Variants in MTF2 observed in about 807,000 individuals in gnomAD.
MTF2 encodes the protein metal-response element-binding transcription factor 2.
A neutral mutation model predicts 79.5 loss-of-function variants in MTF2; 11 were observed. The ratio of observed to expected loss-of-function variants is 0.14; its 90% CI spans 0.09 to 0.23. MTF2 has a LOEUF of 0.23. MTF2 is among the 10% of genes least tolerant of loss of function. The pLI is 1.00. For synonymous variants in MTF2, 208 were observed against 232.8 expected, an observed-to-expected ratio of 0.89 and a Z score of 0.97; for missense variants, 486 against 711.2, an observed-to-expected ratio of 0.68 and a Z score of 3.60.
At chr1:93,123,262 CTT>C (rs1320415321) in intron 9 of MTF2, among the ~76,000 whole-genome samples, 3 of 69,000 alleles carry the variant, frequency 4.3e-5, no homozygotes, top group African/African-American at 1.1e-4. Flanking sequence ...CTCTCTCTCT[CTT>C]TTTTTTTTTT....
intron 9 of MTF2, among the ~76,000 whole-genome samples, chr1:93,126,497 G>T (rs996993187): frequency 6.6e-6 from 1 of 150,790 alleles, no homozygotes; most frequent in African/African-American, 2.4e-5. Context: ...TTTTTTTAAG[G>T]TGTTTGTAGC....
chr1:93,136,852 A>G lies in MTF2; in HGVS notation c.1607A>G (p.Asn536Ser). 1.2e-6 allele frequency: 2 copies of G among 1,614,222 alleles called. No homozygotes were observed. The highest frequency in any genetic ancestry group is 1.3e-5 in the African/African-American group (1 of 75,058). The change falls in exon 15 of 15, where the codon AAT becomes AGT. Residue 536 changes from asparagine to serine, a missense_variant. Transcript: ENST00000370298. Reference protein sequence around the residue: ...QFDELNTEILNNLADQELQLN... With the variant: ...QFDELNTEILSNLADQELQLN... ...GATGAACTCAACACAGAGATTCTGA[A>G]TAACTTAGCAGATCAGGAGTTACAA...
At chr1:93,125,544 A>G (rs542667253) in intron 9 of MTF2, among the ~76,000 whole-genome samples, 191 of 152,188 alleles carry the variant, frequency 1.3e-3, no homozygotes, top group Middle Eastern at 3.4e-3. Flanking sequence ...TAGAAGGATG[A>G]CAGAATCAAG....
chr1:93,133,486 A>G (rs915991638), intron 11 of MTF2, among the ~76,000 whole-genome samples: 6 of 152,150 alleles, frequency 3.9e-5, no homozygotes, highest in African/African-American at 9.6e-5. Context: ...TAAACCTTTC[A>G]TAATGTAAAT....
At chr1:93,102,771 A>G (rs1029600764) in intron 1 of MTF2, among the ~76,000 whole-genome samples, 2 of 152,090 alleles carry the variant, frequency 1.3e-5, no homozygotes, top group African/African-American at 4.8e-5. Context: ...GATAATACCT[A>G]TGATATTTAA....
At chr1:93,126,777 T>TTAGA (rs1656714226) in intron 9 of MTF2, among the ~76,000 whole-genome samples, 1 of 152,064 alleles carries the variant, frequency 6.6e-6, no homozygotes, top group Non-Finnish European at 1.5e-5. Flanking sequence ...ATGCTTAATG[T>TTAGA]TAGAGGTACT....
chr1:93,108,513 C>A (rs999920753), intron 1 of MTF2, among the ~76,000 whole-genome samples: 6 of 151,608 alleles, frequency 4.0e-5, no homozygotes, highest in Admixed American at 1.3e-4. Flanking sequence ...TCACTGCCTT[C>A]TGGCCTTTAT....
Position 93,119,179 on chromosome 1 carries a change from A to G in MTF2, c.729-154A>G, listed in dbSNP as rs149472457. On this transcript the variant is annotated intron_variant, in intron 7 of 14. Coordinates refer to ENST00000370298, the MANE Select transcript of MTF2 (RefSeq NM_007358.4). ...TGTTATTGGAAAAGAACTTCCTTCA[A>G]TCACAGAAAGCATTATAATTTAAAT... Among the ~76,000 whole-genome samples the G allele has an allele frequency of 1.8e-4, 27 of 152,338 alleles. No individual in the cohort carries two copies. The East Asian group carries it at 5.0e-3, about 28-fold the overall frequency.
At position 93,138,634 on chromosome 1, in the gene MTF2, A is replaced by G. The variant is rs1005612360; in HGVS notation, c.*1607A>G. The G allele has an allele frequency of 2.0e-5, 3 of 152,202 alleles. No homozygotes were observed. The highest frequency in any genetic ancestry group is 2.1e-4 in the South Asian group (1 of 4,834). 9.4% of individuals were successfully genotyped at this position (152,202 alleles called of 1,614,324 possible). A position where few individuals can be genotyped will look rare whatever the true frequency, so the allele number is the denominator to read the frequency against. ...TATAAATGAGCTTTACAAAAGTGCA[A>G]ATTAAAAACTGTTACTTCTGTTTAC... On this transcript the variant is annotated 3_prime_UTR_variant, in exon 15 of 15. Transcript: ENST00000370298.
chr1:93,103,490 A>G (rs918880485), intron 1 of MTF2, among the ~76,000 whole-genome samples: 1 of 151,590 alleles, frequency 6.6e-6, no homozygotes, highest in East Asian at 1.9e-4. Flanking sequence ...GAAAATTTAT[A>G]GAATAATATA....
At chr1:93,119,286 C>A in intron 7 of MTF2, 47 bp from the exon 8 acceptor site, 1 of 1,314,982 alleles carries the variant, frequency 7.6e-7, no homozygotes, top group South Asian at 1.4e-5. Context: ...GTTAGTTTAT[C>A]TCTGATGACT....
At chr1:93,092,957 C>T (rs914410971) in intron 1 of MTF2, among the ~76,000 whole-genome samples, 1 of 151,964 alleles carries the variant, frequency 6.6e-6, no homozygotes, top group East Asian at 1.9e-4. Context: ...CCAAGGCGGG[C>T]AAATCACGAG....
intron 1 of MTF2, 48 bp from the exon 2 acceptor site, chr1:93,110,168 CCACTGGTATAAAAT>C (rs1655970662): frequency 7.0e-7 from 1 of 1,423,116 alleles, no homozygotes; most frequent in Non-Finnish European, 9.7e-7. Flanking sequence ...ATAAAATATC[CCACTGGTATAAAAT>C]AAGCTCTACA....
intron 1 of MTF2, among the ~76,000 whole-genome samples, chr1:93,093,092 G>A (rs1655138977): frequency 1.3e-5 from 2 of 151,906 alleles, no homozygotes. Context: ...TGAGGCAGGA[G>A]AATCGCTTGA....
intron 1 of MTF2, among the ~76,000 whole-genome samples, chr1:93,103,798 TAGG>T (rs1339963223): frequency 1.3e-5 from 2 of 152,160 alleles, no homozygotes; most frequent in Non-Finnish European, 2.9e-5. Flanking sequence ...GGAAAACCCT[TAGG>T]GGAGGAAAAT....
chr1:93,085,928 G>A (rs1165281417), intron 1 of MTF2, among the ~76,000 whole-genome samples: 1 of 152,170 alleles, frequency 6.6e-6, no homozygotes, highest in Non-Finnish European at 1.5e-5. Flanking sequence ...ACATAAACCA[G>A]TAACACAGTC....
rs546805200 is a variant in MTF2 at position 93,128,507 on chromosome 1, A to G, written c.990-771A>G. Among the ~76,000 whole-genome samples the G allele has an allele frequency of 4.6e-5, 7 of 150,626 alleles. 1 individual carries two copies. The highest frequency in any genetic ancestry group is 3.0e-5 in the Non-Finnish European group (2 of 67,710). On this transcript the variant is annotated intron_variant, in intron 10 of 14. Transcript: ENST00000370298. ...GGGAGGTAGAAGTTGCAGTGAGCCG[A>G]ATTGAGCCACTGCACTCTAGCCTGG...
intron 11 of MTF2, among the ~76,000 whole-genome samples, chr1:93,129,983 A>G (rs1656853310): frequency 6.6e-6 from 1 of 152,178 alleles, no homozygotes; most frequent in Non-Finnish European, 1.5e-5. Context: ...AATGTGGCTT[A>G]AGGAAGGACT....
At chr1:93,121,711 A>G in intron 9 of MTF2, 3 of 951,412 alleles carry the variant, frequency 3.2e-6, no homozygotes, top group Non-Finnish European at 3.8e-6. Flanking sequence ...TTGGATTATC[A>G]TACAAATTTT....
Sources: gnomAD v4.1 joint callset for allele counts (sites outside exome capture counted in the v4.1 genomes callset) on GRCh38, gnomAD v4.1.1 for gene constraint, MANE v1.5 for transcripts, NCBI Gene and HGNC (gene_info 2026-07-23, HGNC 2026-07-21) for gene names.